Variants in ZBTB20 observed in about 807,000 individuals in gnomAD.
The protein encoded by ZBTB20 is zinc finger and BTB domain-containing protein 20.
ZBTB20 carries 9 observed loss-of-function variants against 56.9 expected under a neutral mutation model. The ratio of observed to expected loss-of-function variants is 0.16; its 90% confidence interval spans 0.10 to 0.28. The LOEUF is 0.28. ZBTB20 is among the 10% of genes least tolerant of loss of function. ZBTB20 has a pLI of 1.00. For missense variants in ZBTB20, 655 were observed against 1,003.0 expected (o/e 0.65, Z 4.69); for synonymous variants, 417 against 420.7 (o/e 0.99, Z 0.11).
chr3:114,942,499 C>CA (rs2076753598), intron 3 of ZBTB20, among the ~76,000 whole-genome samples: 1 of 145,396 alleles, frequency 6.9e-6, no homozygotes, highest in Non-Finnish European at 1.5e-5. Context: ...TGTAAAGAAA[C>CA]ATAGTGCTCA....
chr3:114,654,245 A>T (rs1022668349), intron 6 of ZBTB20, among the ~76,000 whole-genome samples: 2 of 151,946 alleles, frequency 1.3e-5, no homozygotes, highest in South Asian at 2.1e-4. Context: ...TTAAAAGCTC[A>T]AAATTTCTGC....
chr3:114,849,339 A>C (rs1029176369), intron 4 of ZBTB20, among the ~76,000 whole-genome samples: 1 of 152,142 alleles, frequency 6.6e-6, no homozygotes, highest in Non-Finnish European at 1.5e-5. Flanking sequence ...ATGTGACTCT[A>C]TTCTATACAA....
At chr3:114,805,376 T>G (rs148762662) in intron 4 of ZBTB20, among the ~76,000 whole-genome samples, 1 of 151,902 alleles carries the variant, frequency 6.6e-6, no homozygotes, top group Non-Finnish European at 1.5e-5. Flanking sequence ...TCATGACTGA[T>G]AATTGTGAAG....
chr3:114,851,372 T>G (rs1193231104), intron 4 of ZBTB20, among the ~76,000 whole-genome samples: 1 of 152,216 alleles, frequency 6.6e-6, no homozygotes, highest in Non-Finnish European at 1.5e-5. Flanking sequence ...AGAAACTTTC[T>G]GAATTTCTTT....
chr3:115,131,839 A>C lies in ZBTB20; in HGVS notation c.-703+15380T>G, dbSNP rs527952498. On this transcript the variant is annotated intron_variant, in intron 1 of 11. Coordinates refer to ENST00000675478, the MANE Select transcript of ZBTB20 (RefSeq NM_001348800.3). ...CAGTTATGCCAGTCCCATTAATTTA[A>C]AAAATCCATCATTTTCCAACTAAGT... Among the ~76,000 whole-genome samples, 7 of 152,290 alleles carry C rather than the reference A, an allele frequency of 4.6e-5. No individual in the cohort carries two copies. In the South Asian group the frequency reaches 1.2e-3, roughly 27 times the overall value.
chr3:114,539,598 A>C (rs894988315), intron 6 of ZBTB20, among the ~76,000 whole-genome samples: 7 of 152,118 alleles, frequency 4.6e-5, no homozygotes, highest in Non-Finnish European at 1.0e-4. Flanking sequence ...TTTCCATTGC[A>C]TCGTATCATT....
At chr3:114,485,548 C>G (rs1032777814) in intron 7 of ZBTB20, among the ~76,000 whole-genome samples, 1 of 152,070 alleles carries the variant, frequency 6.6e-6, no homozygotes, top group Non-Finnish European at 1.5e-5. Context: ...TTACAACGGT[C>G]AAAAATTATG....
chr3:114,536,990 A>G (rs2048538799), intron 6 of ZBTB20, among the ~76,000 whole-genome samples: 1 of 152,214 alleles, frequency 6.6e-6, no homozygotes, highest in Admixed American at 6.5e-5. Context: ...AAATTAACTC[A>G]AGATGGATTA....
chr3:114,991,198 C>A (rs574622691), intron 2 of ZBTB20, among the ~76,000 whole-genome samples: 160 of 151,982 alleles, frequency 1.1e-3, no homozygotes, highest in Middle Eastern at 3.4e-3. Context: ...TTGTGATGTT[C>A]GGGTGTCAAT....
intron 5 of ZBTB20, among the ~76,000 whole-genome samples, chr3:114,787,666 T>C (rs1391148417): frequency 6.6e-6 from 1 of 151,912 alleles, no homozygotes; most frequent in African/African-American, 2.4e-5. Flanking sequence ...AATCTATATA[T>C]ATGTTAAAAT....
chr3:114,623,938 G>C (rs1408786548), intron 6 of ZBTB20, among the ~76,000 whole-genome samples: 3 of 152,160 alleles, frequency 2.0e-5, no homozygotes, highest in Non-Finnish European at 2.9e-5. Flanking sequence ...ATTGTCCGTA[G>C]AGTGCTCTAA....
chr3:114,663,664 CAT>C (rs1208267826), intron 6 of ZBTB20, among the ~76,000 whole-genome samples: 3 of 151,268 alleles, frequency 2.0e-5, no homozygotes, highest in African/African-American at 7.3e-5. Flanking sequence ...CAGAGACACA[CAT>C]AGGCTCAAAA....
intron 3 of ZBTB20, among the ~76,000 whole-genome samples, chr3:114,968,225 C>T (rs1025536133): frequency 2.0e-5 from 3 of 152,040 alleles, no homozygotes; most frequent in Non-Finnish European, 4.4e-5. Context: ...TTTCAAAATA[C>T]AAATTCTAAA....
At chr3:114,484,850 C>T (rs916949554) in intron 7 of ZBTB20, among the ~76,000 whole-genome samples, 14 of 151,748 alleles carry the variant, frequency 9.2e-5, no homozygotes, top group Admixed American at 5.2e-4. Flanking sequence ...CGTGAGTGCA[C>T]GCACGCACGT....
At chr3:115,001,713 GA>G (rs1419336473) in intron 2 of ZBTB20, among the ~76,000 whole-genome samples, 2 of 151,270 alleles carry the variant, frequency 1.3e-5, no homozygotes, top group African/African-American at 4.8e-5. Flanking sequence ...CTATTATGAA[GA>G]AAACTACAAA....
chr3:114,456,343 C>G (rs2092018674), intron 7 of ZBTB20, among the ~76,000 whole-genome samples: 1 of 152,088 alleles, frequency 6.6e-6, no homozygotes, highest in South Asian at 2.1e-4. Context: ...ACTTGTGTCA[C>G]ATTTTCAAGC....
At chr3:115,006,460 G>GAGATATATATATATATATATATAT (rs1553877318) in intron 2 of ZBTB20, among the ~76,000 whole-genome samples, 2 of 144,312 alleles carry the variant, frequency 1.4e-5, no homozygotes, top group African/African-American at 5.1e-5. Flanking sequence ...TATCCAGTTG[G>GAGATATATATATATATATATATAT]ATATATATAT....
intron 4 of ZBTB20, among the ~76,000 whole-genome samples, chr3:114,864,757 TA>T (rs1430737727): frequency 6.6e-6 from 1 of 152,090 alleles, no homozygotes; most frequent in Admixed American, 6.6e-5. Flanking sequence ...AGTTAAATTT[TA>T]AAAGAAATTG....
At chr3:114,978,762 AG>A in intron 2 of ZBTB20, among the ~76,000 whole-genome samples, 1 of 152,010 alleles carries the variant, frequency 6.6e-6, no homozygotes, top group East Asian at 1.9e-4. Context: ...ATTTATCTTA[AG>A]ATTATGACAG....
Sources: gnomAD v4.1 joint callset for allele counts (sites outside exome capture counted in the v4.1 genomes callset) on GRCh38, gnomAD v4.1.1 for gene constraint, MANE v1.5 for transcripts, NCBI Gene and HGNC (gene_info 2026-07-23, HGNC 2026-07-21) for gene names.